Variants in RAB3C observed in about 807,000 individuals in gnomAD.
RAB3C encodes RAB3C, member RAS oncogene family, also known as ras-related protein Rab-3C.
A neutral mutation model predicts 26.4 loss-of-function variants in RAB3C; 17 were observed. The ratio of observed to expected loss-of-function variants is 0.64; its 90% confidence interval spans 0.44 to 0.97. The LOEUF (loss-of-function observed/expected upper bound fraction) is 0.97, where lower values mean the gene tolerates loss of function less well. RAB3C is among the 50% of genes least tolerant of loss of function. RAB3C has a pLI of 0.00. For synonymous variants in RAB3C, 91 were observed against 95.9 expected (o/e 0.95, Z 0.30); for missense variants, 242 against 281.9 (o/e 0.86, Z 1.01).
intron 2 of RAB3C, among the ~76,000 whole-genome samples, chr5:58,686,036 T>G (rs1748438321): frequency 1.3e-5 from 2 of 152,066 alleles, no homozygotes; most frequent in Admixed American, 1.3e-4. Flanking sequence ...TGCCTGTGGG[T>G]GAAATGTGAA....
At chr5:58,739,371 T>C (rs985036973) in intron 3 of RAB3C, among the ~76,000 whole-genome samples, 4 of 152,226 alleles carry the variant, frequency 2.6e-5, no homozygotes, top group Non-Finnish European at 5.9e-5. Flanking sequence ...TCTTTGATAT[T>C]GTTTGCTAAG....
At chr5:58,693,794 G>C (rs181483228) in intron 2 of RAB3C, among the ~76,000 whole-genome samples, 41 of 152,286 alleles carry the variant, frequency 2.7e-4, no homozygotes, top group African/African-American at 9.4e-4. Flanking sequence ...CTGATGGCAT[G>C]CCAATTCTAG....
chr5:58,827,047 G>A (rs111869229), intron 4 of RAB3C, among the ~76,000 whole-genome samples: 128 of 152,290 alleles, frequency 8.4e-4, no homozygotes, highest in African/African-American at 2.9e-3. Flanking sequence ...GCTGGTGTAC[G>A]GTCTCCTGTG....
rs964190024 is a variant in RAB3C, at chr5:58,740,841, GA to G, written c.371+14731del. On this transcript the variant is annotated intron_variant, in intron 3 of 4. Transcript: ENST00000282878. ...TCTCAGAAAAATATATATCTTAACA[GA>G]AAAAAAAAATCATCAAATATGTGTC... Among the ~76,000 whole-genome samples the G allele has an allele frequency of 3.5e-3, 521 of 148,450 alleles. 5 individuals are homozygous for G. In the East Asian group the frequency reaches 0.038, roughly 11 times the overall value.
chr5:58,730,579 C>T (rs1740991890), intron 3 of RAB3C, among the ~76,000 whole-genome samples: 1 of 151,882 alleles, frequency 6.6e-6, no homozygotes, highest in Non-Finnish European at 1.5e-5. Context: ...ACATATCTAG[C>T]AAAAAGAAAA....
chr5:58,601,465 G>A (rs939692605), intron 1 of RAB3C, among the ~76,000 whole-genome samples: 5 of 152,046 alleles, frequency 3.3e-5, no homozygotes, highest in African/African-American at 1.2e-4. Flanking sequence ...CTGTGAATCT[G>A]TCTGTTCCTG....
At chr5:58,845,966 G>T (rs1743989779) in intron 4 of RAB3C, among the ~76,000 whole-genome samples, 2 of 151,816 alleles carry the variant, frequency 1.3e-5, no homozygotes, top group Admixed American at 6.6e-5. Context: ...TATGAGATAT[G>T]GTCCTTTATG....
chr5:58,586,042 G>A (rs1487850323), intron 1 of RAB3C, among the ~76,000 whole-genome samples: 1 of 151,962 alleles, frequency 6.6e-6, no homozygotes, highest in Non-Finnish European at 1.5e-5. Context: ...TTTGATTCAG[G>A]AGCCACATTG....
chr5:58,756,525 C>T (rs1054657979), intron 3 of RAB3C, among the ~76,000 whole-genome samples: 1 of 150,172 alleles, frequency 6.7e-6, no homozygotes, highest in Non-Finnish European at 1.5e-5. Flanking sequence ...AAGTTCCCTC[C>T]CCTGGCCCCC....
At chr5:58,664,782 T>C (rs898953052) in intron 2 of RAB3C, among the ~76,000 whole-genome samples, 3 of 152,094 alleles carry the variant, frequency 2.0e-5, no homozygotes, top group Non-Finnish European at 2.9e-5. Context: ...CATAATATAC[T>C]AAGAATCCAA....
intron 2 of RAB3C, among the ~76,000 whole-genome samples, chr5:58,619,337 C>T (rs1028871158): frequency 1.3e-4 from 20 of 152,154 alleles, no homozygotes; most frequent in Non-Finnish European, 2.5e-4. Flanking sequence ...TCACACACTC[C>T]TCTGTATGGA....
chr5:58,712,697 G>T (rs1177344866), intron 2 of RAB3C, among the ~76,000 whole-genome samples: 2 of 152,046 alleles, frequency 1.3e-5, no homozygotes, highest in Non-Finnish European at 2.9e-5. Context: ...GCTAATTTTT[G>T]TATTTTTAGT....
At position 58,627,515 on chromosome 5, in the gene RAB3C, A is replaced by AAAAAAAAAAAAAAC. The variant is rs1325212744; in HGVS notation, c.252+9649_252+9650insAAAAAAAAACAAAA. On this transcript the variant is annotated intron_variant, in intron 2 of 4. Coordinates refer to ENST00000282878, the MANE Select transcript of RAB3C (RefSeq NM_138453.4). ...AAAAAAAAAAAAAAAAAAAAAAAAAAAAAACACAGCTTAAATTCGGTGCAA... is the reference window on the plus strand; with the variant it reads ...AAAAAAAAAAAAAAAAAAAAAAAAAAAAAAAAAAAAAAACAAAACACAGCTTAAATTCGGTGCAA... 2.1e-4 allele frequency among the ~76,000 whole-genome samples: 13 copies of AAAAAAAAAAAAAAC among 60,572 alleles called. 2 individuals carry two copies. Among genetic ancestry groups the AAAAAAAAAAAAAAC allele is most frequent in the South Asian group, 1.1e-3 (2 of 1,774 alleles). The allele number at this position is 60,572 out of a possible 152,430, so 39.7% of individuals were successfully genotyped here.
intron 2 of RAB3C, chr5:58,689,143 G>T (rs1042632185): frequency 4.6e-5 from 7 of 152,114 alleles, no homozygotes; most frequent in African/African-American, 1.7e-4. Context: ...CAGGTAGCAT[G>T]GCTACTATGA....
chr5:58,665,994 A>G (rs1463513596), intron 2 of RAB3C, among the ~76,000 whole-genome samples: 1 of 152,152 alleles, frequency 6.6e-6, no homozygotes. Context: ...CTGCACTAAA[A>G]TATTGAGGGA....
chr5:58,642,313 C>T (rs906772856), intron 2 of RAB3C, among the ~76,000 whole-genome samples: 11 of 152,306 alleles, frequency 7.2e-5, no homozygotes, highest in Middle Eastern at 3.4e-3. Flanking sequence ...AGGTTGTACA[C>T]GGTAGCACCA....
chr5:58,794,917 A>C (rs1742610346), intron 3 of RAB3C, among the ~76,000 whole-genome samples: 2 of 152,256 alleles, frequency 1.3e-5, no homozygotes, highest in South Asian at 2.1e-4. Context: ...ATTGCTAACA[A>C]GCACCAGGTG....
chr5:58,807,509 G>A (rs767886947), intron 3 of RAB3C, among the ~76,000 whole-genome samples: 4 of 152,164 alleles, frequency 2.6e-5, no homozygotes, highest in Admixed American at 6.5e-5. Context: ...CTCTGAGTTT[G>A]GAGTCTGGGA....
At chr5:58,626,988 T>C (rs1032768001) in intron 2 of RAB3C, among the ~76,000 whole-genome samples, 5 of 152,188 alleles carry the variant, frequency 3.3e-5, no homozygotes, top group Non-Finnish European at 7.3e-5. Flanking sequence ...CACTGGTAAA[T>C]TTTAATATGC....
Sources: allele counts gnomAD v4.1 joint callset (sites outside exome capture counted in the v4.1 genomes callset), GRCh38; gene constraint gnomAD v4.1.1; transcripts MANE v1.5; gene names NCBI Gene and HGNC (gene_info 2026-07-23, HGNC 2026-07-21).